WAPL: variants seen among roughly 807,000 people sequenced by gnomAD.
WAPL encodes WAPL cohesin release factor.
In WAPL, 5 loss-of-function variants were observed where a neutral mutation model predicts 121.0. The observed-to-expected ratio is 0.04, with a 90% CI of 0.02 to 0.09. The LOEUF (loss-of-function observed/expected upper bound fraction) is 0.09, where lower values mean the gene tolerates loss of function less well. Among genes scored for constraint, WAPL ranks in the 10% least tolerant of loss-of-function variants. The probability of loss-of-function intolerance (pLI) is 1.00; values close to 1 mark genes in which losing one functional copy is unlikely to be tolerated. For missense variants in WAPL, 999 were observed against 1,410.8 expected (o/e 0.71, Z 4.68); for synonymous variants, 480 against 481.5 (o/e 1.00, Z 0.04).
intron 8 of WAPL, among the ~76,000 whole-genome samples, chr10:86,470,617 C>A (rs907652305): frequency 5.9e-5 from 9 of 152,126 alleles, no homozygotes; most frequent in African/African-American, 1.9e-4. Context: ...AAAATTAGGG[C>A]TGCATTTCCA....
At chr10:86,461,804 T>C (rs1841281736) in intron 9 of WAPL, among the ~76,000 whole-genome samples, 1 of 152,244 alleles carries the variant, frequency 6.6e-6, no homozygotes, top group African/African-American at 2.4e-5. Context: ...TTTTCACATA[T>C]TAACTATGTT....
intron 11 of WAPL, among the ~76,000 whole-genome samples, chr10:86,459,345 T>C (rs1403398594): frequency 6.6e-6 from 1 of 152,246 alleles, no homozygotes; most frequent in African/African-American, 2.4e-5. Context: ...AATGTCAGAA[T>C]AGAGCAGTCC....
At chr10:86,445,088 G>C (rs1397272303) in intron 16 of WAPL, among the ~76,000 whole-genome samples, 2 of 152,054 alleles carry the variant, frequency 1.3e-5, no homozygotes, top group African/African-American at 4.8e-5. Flanking sequence ...TCGTCCCTCT[G>C]CATCCAAGGG....
At chr10:86,443,488 C>A (rs1849525336) in intron 16 of WAPL, 125 bp from the exon 17 acceptor site, 1 of 626,704 alleles carries the variant, frequency 1.6e-6, no homozygotes, top group Non-Finnish European at 2.6e-6. Context: ...GCTAGGACAA[C>A]TGGATATCCA....
chr10:86,495,922 C>A (rs1334723647), intron 4 of WAPL, among the ~76,000 whole-genome samples: 2 of 152,124 alleles, frequency 1.3e-5, no homozygotes, highest in Non-Finnish European at 2.9e-5. Flanking sequence ...AGGGACCAGC[C>A]TGACAAACAT....
chr10:86,436,164 C>G lies in WAPL; in HGVS notation c.*1379G>C, dbSNP rs1038238335. ...AAAAACATTACAGCTGGCACTGATA[C>G]AAGAGCCCCGATTTGTCACTTTATA... On this transcript the variant is annotated 3_prime_UTR_variant, in exon 19 of 19. Coordinates refer to ENST00000298767, the MANE Select transcript of WAPL (RefSeq NM_015045.5). 6.6e-6 allele frequency: 1 copy of G among 152,624 alleles called. No individual in the cohort carries two copies. The highest frequency in any genetic ancestry group is 2.4e-5 in the African/African-American group (1 of 41,444). 9.5% of individuals were successfully genotyped at this position (152,624 alleles called of 1,614,324 possible).
Position 86,435,552 on chromosome 10 carries a change from A to C in WAPL, c.*1991T>G, listed in dbSNP as rs1849297362. The C allele has an allele frequency of 6.6e-6, 1 of 152,608 alleles. No homozygotes were observed. Among genetic ancestry groups the C allele is most frequent in the Non-Finnish European group, 1.5e-5 (1 of 68,032 alleles). The allele number at this position is 152,608 out of a possible 1,614,324, so 9.5% of individuals were successfully genotyped here. ...ATGCAGAGTTCTCTGAGGGTTAAAAACACACAAATGCACTGCAGTTGGTGA... is the reference window on the plus strand; with the variant it reads ...ATGCAGAGTTCTCTGAGGGTTAAAACCACACAAATGCACTGCAGTTGGTGA... On this transcript the variant is annotated 3_prime_UTR_variant, in exon 19 of 19. Transcript: ENST00000298767.
chr10:86,517,801 G>A lies in WAPL; in HGVS notation c.269C>T (p.Ala90Val), dbSNP rs1266587902. The A allele has an allele frequency of 1.2e-6, 2 of 1,614,014 alleles. No individual in the cohort carries two copies. The highest frequency in any genetic ancestry group is 1.7e-6 in the Non-Finnish European group (2 of 1,180,010). Residue 90 changes from alanine (A) to valine (V), a missense_variant, in exon 2 of 19, where the codon GCC (alanine) becomes GTC (valine). Physicochemically the swap from Ala to Val is moderately conservative, Grantham distance 64 (BLOSUM62 0). Transcript: ENST00000298767. ...TGAATAAGAGGAACACTTAACCTGG[G>A]CTAAATTCTTTGAAGAAACTGGTAG... ...ESLPVSSKNL[A>V]QVKCSSYSES...
At chr10:86,488,013 G>C (rs1370409222) in intron 4 of WAPL, among the ~76,000 whole-genome samples, 1 of 152,152 alleles carries the variant, frequency 6.6e-6, no homozygotes, top group Non-Finnish European at 1.5e-5. Flanking sequence ...TGAGGAAGAT[G>C]GTCAGCATAG....
intron 4 of WAPL, among the ~76,000 whole-genome samples, chr10:86,490,495 G>C (rs7917841): frequency 0.099 from 14,998 of 151,950 alleles, 859 homozygotes; most frequent in African/African-American, 0.16. Context: ...CCAACATTAA[G>C]TTCATAACTA....
Position 86,472,379 on chromosome 10 carries a change from TA to T in WAPL, c.1894-36del, listed in dbSNP as rs1841552601. The T allele has an allele frequency of 6.3e-7, 1 of 1,577,956 alleles. No individual in the cohort carries two copies. Among genetic ancestry groups the T allele is most frequent in the African/African-American group, 1.5e-5 (1 of 66,840 alleles). ...AAAAAAAAGTTCACCCCTTTTTAAC[TA>T]GGAACTAGCATATTTAAATCTATGG... On this transcript the variant is annotated intron_variant, in intron 6 of 18. Transcript: ENST00000298767. The surrounding 1 kb of genome is among the most constrained non-coding windows in gnomAD (Gnocchi z 4.2).
intron 9 of WAPL, among the ~76,000 whole-genome samples, chr10:86,465,805 T>C (rs1841384029): frequency 6.6e-6 from 1 of 152,216 alleles, no homozygotes; most frequent in African/African-American, 2.4e-5. Context: ...GCCTCTCAGC[T>C]TCCTTGGACT....
At chr10:86,514,517 G>T (rs1361290792) in intron 2 of WAPL, among the ~76,000 whole-genome samples, 1 of 152,206 alleles carries the variant, frequency 6.6e-6, no homozygotes, top group Non-Finnish European at 1.5e-5. Flanking sequence ...TGGACAAGAT[G>T]TTCCTGAACA....
chr10:86,455,547 G>A (rs1841120770), intron 12 of WAPL, among the ~76,000 whole-genome samples: 1 of 151,796 alleles, frequency 6.6e-6, no homozygotes, highest in South Asian at 2.1e-4. Context: ...ACACAAGGAA[G>A]GCCGCAGGGT....
chr10:86,500,137 C>T lies in WAPL; in HGVS notation c.1106G>A (p.Cys369Tyr). 6.2e-7 allele frequency: 1 copy of T among 1,614,158 alleles called. No homozygotes were observed. Among genetic ancestry groups the T allele is most frequent in the Non-Finnish European group, 8.5e-7 (1 of 1,180,042 alleles). The change falls in exon 3 of 19, where the codon TGT (cysteine) becomes TAT (tyrosine). Residue 369 changes from cysteine (C) to tyrosine (Y), a missense_variant. Cys to Tyr is a radical substitution (Grantham distance 194). Transcript: ENST00000298767. ...CATAGTATCCTGTATGGTAACATTA[C>T]AAACTGACAAGCAAGATGGATGTAA... Reference protein sequence around the residue: ...TVLHPSCLSVCNVTIQDTMER... With the variant: ...TVLHPSCLSVYNVTIQDTMER...
At chr10:86,475,221 T>C (rs187674408) in intron 4 of WAPL, among the ~76,000 whole-genome samples, 1 of 152,330 alleles carries the variant, frequency 6.6e-6, no homozygotes, top group African/African-American at 2.4e-5. Context: ...GAAAACTGCA[T>C]AATTACAAAG....
chr10:86,494,250 C>T (rs576621646), intron 4 of WAPL, among the ~76,000 whole-genome samples: 140 of 152,262 alleles, frequency 9.2e-4, no homozygotes, highest in Non-Finnish European at 1.5e-3. Flanking sequence ...ATCTCTGTGA[C>T]AAAACAAGTA....
At chr10:86,496,085 G>C (rs571129203) in intron 4 of WAPL, among the ~76,000 whole-genome samples, 26 of 152,186 alleles carry the variant, frequency 1.7e-4, no homozygotes, top group Non-Finnish European at 3.4e-4. Context: ...CCGCACTCCA[G>C]CCTGGGCAAC....
At position 86,459,083 on chromosome 10, in the gene WAPL, G is replaced by C; in HGVS notation, c.2581-18C>G. ...ACAGTTACCTAAAAAGGAAGAATATGAAATAATTGTGGCAATCCAAAACTT... is the reference window on the plus strand; with the variant it reads ...ACAGTTACCTAAAAAGGAAGAATATCAAATAATTGTGGCAATCCAAAACTT... On this transcript the variant is annotated intron_variant, in intron 11 of 18. Coordinates refer to ENST00000298767, the MANE Select transcript of WAPL (RefSeq NM_015045.5). 1 of 1,590,776 alleles carries C rather than the reference G, an allele frequency of 6.3e-7. No homozygotes were observed. The highest frequency in any genetic ancestry group is 8.6e-7 in the Non-Finnish European group (1 of 1,168,202).
Sources: gnomAD v4.1 joint callset for allele counts (sites outside exome capture counted in the v4.1 genomes callset) on GRCh38, gnomAD v4.1.1 for gene constraint, Gnocchi (gnomAD v3.1) non-coding constraint, MANE v1.5 for transcripts, NCBI Gene and HGNC (gene_info 2026-07-23, HGNC 2026-07-21) for gene names.